The following LRRC53 variants were observed in gnomAD, a reference collection of about 807,000 sequenced individuals.
LRRC53 encodes the protein leucine rich repeat containing 53, also known as leucine-rich repeat-containing protein 53.
In LRRC53, 25 loss-of-function variants were observed where a neutral mutation model predicts 13.6. The observed-to-expected ratio is 1.83, with a 90% CI of 1.34 to 2.56. The LOEUF (loss-of-function observed/expected upper bound fraction) is 2.56, where lower values mean the gene tolerates loss of function less well. Ranked by LOEUF, LRRC53 falls within the 30% of genes most tolerant of loss-of-function variation. The pLI is 0.00. For synonymous variants in LRRC53, 204 were observed against 109.8 expected (o/e 1.86, Z -5.37); for missense variants, 527 against 275.8 (o/e 1.91, Z -6.45).
At chr1:74,474,849 A>G (rs1363035422) in intron 4 of LRRC53, among the ~76,000 whole-genome samples, 1 of 152,034 alleles carries the variant, frequency 6.6e-6, no homozygotes, top group Non-Finnish European at 1.5e-5. Context: ...CCTGAAATGA[A>G]TCACTAGCAT....
chr1:74,508,220 A>G (rs934815215), intron 1 of LRRC53, among the ~76,000 whole-genome samples: 12 of 152,260 alleles, frequency 7.9e-5, no homozygotes, highest in African/African-American at 2.9e-4. Context: ...TGGCACATGT[A>G]TACATATGTA....
intron 3 of LRRC53, among the ~76,000 whole-genome samples, chr1:74,477,004 AATACACTCTTGGAAAGTGCTATAAC>A (rs1454535191): frequency 2.0e-5 from 3 of 152,132 alleles, no homozygotes; most frequent in Non-Finnish European, 4.4e-5. Flanking sequence ...ATTTGCCAAC[AATACACTCTTGGAAAGTGCTATAAC>A]ATATTGAAGC....
the LRRC53 span, among the ~76,000 whole-genome samples, chr1:74,518,338 G>C: frequency 6.6e-6 from 1 of 152,042 alleles, no homozygotes; most frequent in Admixed American, 6.6e-5. Context: ...TTTCCACATA[G>C]CCTCTTACTG....
chr1:74,480,232 G>T lies in LRRC53; in HGVS notation c.825C>A (p.Asn275Lys), dbSNP rs186092838. 50 of 717,558 alleles carry T rather than the reference G, an allele frequency of 7.0e-5. No homozygotes were observed. The East Asian group carries it at 1.3e-3, about 19-fold the overall frequency. The allele number at this position is 717,558 out of a possible 1,614,324, so 44.4% of individuals were successfully genotyped here. ...TTCTGTCCTTTAGAACCAGAGTGAA[G>T]TTGGGAGCTTTGGAATCACAGTTGG... ...SETNCDSKAP[N>K]FTLVLKDRSP... The change falls in exon 3 of 5, where the codon AAC (asparagine) becomes AAA (lysine). Residue 275 changes from asparagine to lysine, a missense_variant. Transcript: ENST00000294635.
At chr1:74,496,199 C>T (rs980767100) in intron 1 of LRRC53, among the ~76,000 whole-genome samples, 2 of 152,112 alleles carry the variant, frequency 1.3e-5, no homozygotes, top group African/African-American at 2.4e-5. Flanking sequence ...ACGATGCTAA[C>T]CTGCCAGTCA....
the LRRC53 span, among the ~76,000 whole-genome samples, chr1:74,528,586 T>G: frequency 6.6e-6 from 1 of 152,182 alleles, no homozygotes; most frequent in Non-Finnish European, 1.5e-5. Flanking sequence ...GGGAGCTAGG[T>G]TTCTCACTGT....
chr1:74,480,595 C>T lies in LRRC53; in HGVS notation c.462G>A (p.Thr154=), dbSNP rs1047904558. The T allele has an allele frequency of 5.6e-6, 4 of 717,210 alleles. No individual in the cohort carries two copies. The highest frequency in any genetic ancestry group is 1.0e-5 in the Non-Finnish European group (4 of 385,082). 44.4% of individuals were successfully genotyped at this position (717,210 alleles called of 1,614,324 possible). ...CCAGATACCTGAGACTGTGGAGATT[C>T]GTGCCTCCGAAAGAACTGTCTGTGA... is the stretch of plus-strand genomic sequence containing the variant. The part of the protein sequence containing the change: ...TNLTDSSFGG[T]NLHSLRYLDL... Residue 154 remains threonine (T), a synonymous_variant, in exon 3 of 5, where the codon ACG becomes ACA. Coordinates refer to ENST00000294635, the MANE Select transcript of LRRC53 (RefSeq NM_001382280.1).
the LRRC53 span, among the ~76,000 whole-genome samples, chr1:74,518,894 T>A: frequency 4.7e-3 from 529 of 112,392 alleles, 36 homozygotes; most frequent in African/African-American, 0.027. Context: ...TTTTTTTTTT[T>A]ATTATACTCT....
At chr1:74,492,745 A>G (rs966575544) in intron 1 of LRRC53, among the ~76,000 whole-genome samples, 8 of 152,246 alleles carry the variant, frequency 5.3e-5, no homozygotes, top group Non-Finnish European at 7.3e-5. Flanking sequence ...ATTTATAATA[A>G]CCAAAAGGTG....
In LRRC53 at chr1:74,475,707, G is replaced by A. The variant is rs1391315930; in HGVS notation, c.1008C>T (p.Phe336=). The A allele has an allele frequency of 1.1e-5, 8 of 702,764 alleles. No individual in the cohort carries two copies. The highest frequency in any genetic ancestry group is 8.4e-5 in the Admixed American group (4 of 47,462). 43.5% of individuals were successfully genotyped at this position (702,764 alleles called of 1,614,324 possible). A position where few individuals can be genotyped will look rare whatever the true frequency, so the allele number is the denominator to read the frequency against. The change falls in exon 4 of 5, where the codon TTC becomes TTT. Residue 336 remains phenylalanine, a synonymous_variant. Transcript: ENST00000294635. Reference sequence around the variant, plus strand: ...CCTCATGAGCACACAGGGGTTCATCGAAGGTTCTGCAACAAAGGTTTTCTG... The same window carrying A: ...CCTCATGAGCACACAGGGGTTCATCAAAGGTTCTGCAACAAAGGTTTTCTG... The part of the protein sequence containing the change: ...HTSENLCCRT[F]DEPLCAHEAR...
the LRRC53 span, among the ~76,000 whole-genome samples, chr1:74,528,389 A>G: frequency 2.0e-5 from 3 of 152,166 alleles, no homozygotes; most frequent in East Asian, 1.9e-4. Flanking sequence ...GCAGGTGGGG[A>G]ATAGGCGGGT....
At chr1:74,515,010 TA>T (rs1433338195), upstream of LRRC53, among the ~76,000 whole-genome samples, 2 of 152,092 alleles carry the variant, frequency 1.3e-5, no homozygotes, top group African/African-American at 4.8e-5. Flanking sequence ...TGAAGTGCTC[TA>T]CCTAGAAGCC....
At chr1:74,485,531 G>A (rs1051268170) in intron 1 of LRRC53, among the ~76,000 whole-genome samples, 7 of 152,108 alleles carry the variant, frequency 4.6e-5, no homozygotes, top group Non-Finnish European at 1.0e-4. Flanking sequence ...CCTGTCCCCT[G>A]GTGTACATGC....
intron 3 of LRRC53, among the ~76,000 whole-genome samples, chr1:74,477,472 A>G (rs777751077): frequency 1.2e-4 from 19 of 152,180 alleles, no homozygotes; most frequent in Non-Finnish European, 2.2e-4. Context: ...CCTGTCAGGA[A>G]CAAAAAAATC....
At chr1:74,479,094 T>C (rs930063658) in intron 3 of LRRC53, among the ~76,000 whole-genome samples, 2 of 152,176 alleles carry the variant, frequency 1.3e-5, no homozygotes, top group African/African-American at 2.4e-5. Context: ...TAATGATTTA[T>C]AGCACATATT....
chr1:74,492,973 G>C (rs1669153904), intron 1 of LRRC53, among the ~76,000 whole-genome samples: 1 of 152,114 alleles, frequency 6.6e-6, no homozygotes, highest in Non-Finnish European at 1.5e-5. Context: ...ATAAGGCAGG[G>C]AGAGCTCTAG....
the LRRC53 span, among the ~76,000 whole-genome samples, chr1:74,517,886 T>C: frequency 7.2e-5 from 11 of 152,256 alleles, no homozygotes; most frequent in East Asian, 1.9e-4. Flanking sequence ...AGTGAAACAT[T>C]TGAATTTCTA....
chr1:74,534,009 C>A, the LRRC53 span, among the ~76,000 whole-genome samples: 7 of 152,296 alleles, frequency 4.6e-5, no homozygotes, highest in East Asian at 7.7e-4. Context: ...CTGAGCCTGA[C>A]TTTGCATCCC....
chr1:74,506,838 T>C (rs1364012696), intron 1 of LRRC53, among the ~76,000 whole-genome samples: 3 of 152,220 alleles, frequency 2.0e-5, no homozygotes, highest in South Asian at 2.1e-4. Context: ...CCTATGAGCA[T>C]TCCTAATCTC....
Sources: gnomAD v4.1 joint callset for allele counts (sites outside exome capture counted in the v4.1 genomes callset) on GRCh38, gnomAD v4.1.1 for gene constraint, MANE v1.5 for transcripts, NCBI Gene and HGNC (gene_info 2026-07-23, HGNC 2026-07-21) for gene names.